VWA8: variants seen among roughly 807,000 people sequenced by gnomAD.
The protein encoded by VWA8 is von Willebrand factor A domain containing 8.
A neutral mutation model predicts 241.5 loss-of-function variants in VWA8; 221 were observed. The observed-to-expected ratio is 0.91, with a 90% CI of 0.82 to 1.02. The LOEUF is 1.02. Among genes scored for constraint, VWA8 ranks in the 50% least tolerant of loss-of-function variants. The pLI, the probability that VWA8 is intolerant of heterozygous loss-of-function variation, is 0.00. For synonymous variants in VWA8, 852 were observed against 827.1 expected (o/e 1.03, Z -0.52); for missense variants, 2,322 against 2,328.7 (o/e 1.00, Z 0.06).
At chr13:41,716,773 T>C (rs1342885030) in intron 26 of VWA8, among the ~76,000 whole-genome samples, 3 of 152,056 alleles carry the variant, frequency 2.0e-5, no homozygotes, top group African/African-American at 7.2e-5. Context: ...ATACTAATAG[T>C]ATTAAACCAT....
At chr13:41,725,411 A>G (rs1009493294) in intron 24 of VWA8, among the ~76,000 whole-genome samples, 6 of 152,214 alleles carry the variant, frequency 3.9e-5, no homozygotes, top group Non-Finnish European at 8.8e-5. Context: ...CGGAAATTAC[A>G]GAAGTGTCAG....
intron 22 of VWA8, among the ~76,000 whole-genome samples, chr13:41,730,718 G>GA (rs1444530258): frequency 6.6e-6 from 1 of 152,016 alleles, no homozygotes. Flanking sequence ...GAATTTAAGT[G>GA]AAAATCTCAA....
intron 21 of VWA8, among the ~76,000 whole-genome samples, chr13:41,742,344 G>T (rs375721919): frequency 6.6e-6 from 1 of 152,290 alleles, no homozygotes; most frequent in Admixed American, 6.5e-5. Flanking sequence ...CATGCTGGAA[G>T]TAGGAAGTTC....
At chr13:41,778,754 T>G (rs1014104987) in intron 19 of VWA8, among the ~76,000 whole-genome samples, 2 of 152,102 alleles carry the variant, frequency 1.3e-5, no homozygotes, top group Non-Finnish European at 2.9e-5. Context: ...ACTAAAGTTA[T>G]TGACGTTCCC....
chr13:41,573,296 T>C (rs934083152), intron 43 of VWA8, among the ~76,000 whole-genome samples: 3 of 149,728 alleles, frequency 2.0e-5, no homozygotes, highest in Admixed American at 2.0e-4. Context: ...TGCGTGCCTG[T>C]GGTACCAGCT....
chr13:41,873,666 A>G (rs1873754392), intron 9 of VWA8, among the ~76,000 whole-genome samples: 1 of 152,230 alleles, frequency 6.6e-6, no homozygotes, highest in Non-Finnish European at 1.5e-5. Context: ...GACCAATAAC[A>G]GGAGCTGAAA....
At chr13:41,810,807 T>C (rs79295798) in intron 17 of VWA8, among the ~76,000 whole-genome samples, 12,793 of 152,156 alleles carry the variant, frequency 0.084, 552 homozygotes, top group East Asian at 0.11. Flanking sequence ...CTTAGGGTGA[T>C]AGATATGGCA....
At chr13:41,832,243 T>G (rs1871503592) in intron 13 of VWA8, among the ~76,000 whole-genome samples, 1 of 152,214 alleles carries the variant, frequency 6.6e-6, no homozygotes, top group South Asian at 2.1e-4. Context: ...TCAGTATTTT[T>G]TAATTGCCAC....
Position 41,883,376 on chromosome 13 carries a change from C to G in VWA8, c.1080+11G>C. 1 of 1,590,180 alleles carries G rather than the reference C, an allele frequency of 6.3e-7. No homozygotes were observed. The highest frequency in any genetic ancestry group is 8.6e-7 in the Non-Finnish European group (1 of 1,158,992). ...GGAAAAGAAAGGAAAGAAAGGGAAG[C>G]AGACACTCACCTTTAAAACACCTTC... On this transcript the variant is annotated intron_variant, in intron 9 of 44. Coordinates refer to ENST00000379310, the MANE Select transcript of VWA8 (RefSeq NM_015058.2).
chr13:41,718,299 A>C (rs11842025), intron 26 of VWA8, among the ~76,000 whole-genome samples: 40 of 152,100 alleles, frequency 2.6e-4, no homozygotes, highest in African/African-American at 9.6e-4. Context: ...AAAATTTATA[A>C]TAGAAAGTTT....
chr13:41,650,158 GATTT>G lies in VWA8; in HGVS notation c.4611+20784_4611+20787del, dbSNP rs202090324. ...TCTATAATCTTTCTATTATTGTACA[GATTT>G]ATTATCATAAATAATAATATTGTAT... On this transcript the variant is annotated intron_variant, in intron 37 of 44. Transcript: ENST00000379310. 5.7e-3 allele frequency among the ~76,000 whole-genome samples: 871 copies of G among 152,132 alleles called. 7 individuals carry two copies. The highest frequency in any genetic ancestry group is 9.5e-3 in the Non-Finnish European group (647 of 67,994).
chr13:41,819,449 T>A (rs1870852787), intron 14 of VWA8, 63 bp from the exon 15 acceptor site: 1 of 1,524,916 alleles, frequency 6.6e-7, no homozygotes, highest in African/African-American at 1.4e-5. Flanking sequence ...CAGATCATGG[T>A]AACTAAAGTC....
intron 12 of VWA8, among the ~76,000 whole-genome samples, chr13:41,844,038 A>C (rs532781481): frequency 1.3e-5 from 2 of 152,168 alleles, no homozygotes; most frequent in Non-Finnish European, 2.9e-5. Context: ...ATAACAAAGA[A>C]AGTTAAATAT....
At chr13:41,698,924 G>A (rs1304228260) in intron 29 of VWA8, 147 bp downstream of exon 29, 1 of 968,856 alleles carries the variant, frequency 1.0e-6, no homozygotes, top group African/African-American at 1.6e-5. Context: ...TGCCTTTGTA[G>A]TACTGATAAA....
chr13:41,869,271 A>G (rs1193660076), intron 9 of VWA8, among the ~76,000 whole-genome samples: 1 of 152,014 alleles, frequency 6.6e-6, no homozygotes, highest in Non-Finnish European at 1.5e-5. Flanking sequence ...TATTATAACA[A>G]TTTTCCACAG....
At chr13:41,856,201 T>A (rs1011696318) in intron 12 of VWA8, among the ~76,000 whole-genome samples, 5 of 151,972 alleles carry the variant, frequency 3.3e-5, no homozygotes, top group Admixed American at 2.6e-4. Context: ...CCAGCGGGGG[T>A]AGCACACATC....
chr13:41,579,132 A>G (rs2139638390), intron 42 of VWA8, among the ~76,000 whole-genome samples: 1 of 152,234 alleles, frequency 6.6e-6, no homozygotes, highest in East Asian at 1.9e-4. Context: ...TGCTGGCTTT[A>G]GGAGATGCTA....
intron 12 of VWA8, among the ~76,000 whole-genome samples, chr13:41,860,475 C>T (rs1175075444): frequency 6.6e-6 from 1 of 152,128 alleles, no homozygotes; most frequent in Non-Finnish European, 1.5e-5. Flanking sequence ...GTGACAGAAA[C>T]TAGAAGACAC....
intron 21 of VWA8, among the ~76,000 whole-genome samples, chr13:41,750,146 A>T (rs2045644395): frequency 6.6e-6 from 1 of 152,082 alleles, no homozygotes; most frequent in Non-Finnish European, 1.5e-5. Flanking sequence ...TCCCATTAAG[A>T]ACATTTGGCT....
Sources: gnomAD v4.1 joint callset for allele counts (sites outside exome capture counted in the v4.1 genomes callset) on GRCh38, gnomAD v4.1.1 for gene constraint, MANE v1.5 for transcripts, NCBI Gene and HGNC (gene_info 2026-07-23, HGNC 2026-07-21) for gene names.